The following KIAA1549L variants were observed in gnomAD, a reference collection of about 807,000 sequenced individuals.
The protein encoded by KIAA1549L is KIAA1549 like.
In KIAA1549L, 88 loss-of-function variants were observed where a neutral mutation model predicts 160.7. The observed-to-expected ratio is 0.55, with a 90% CI of 0.46 to 0.65. KIAA1549L has a LOEUF of 0.65. Among genes scored for constraint, KIAA1549L ranks in the 30% least tolerant of loss-of-function variants. The probability of loss-of-function intolerance (pLI) is 0.00; values close to 1 mark genes in which losing one functional copy is unlikely to be tolerated. For synonymous variants in KIAA1549L, 950 were observed against 976.7 expected (o/e 0.97, Z 0.51); for missense variants, 2,258 against 2,437.5 (o/e 0.93, Z 1.55).
Position 33,671,663 on chromosome 11 carries a change from A to ACTAATAGAGAT in KIAA1549L, c.*3510_*3520dup, listed in dbSNP as rs2133476729. ...TAGAATGGAGGAGGTGAGGAATTTA[A>ACTAATAGAGAT]CTAATAGAGATGCTTTTTCTAACAG... On this transcript the variant is annotated 3_prime_UTR_variant, in exon 21 of 21. Transcript: ENST00000658780. The ACTAATAGAGAT allele has an allele frequency of 6.6e-6, 1 of 151,864 alleles. No individual in the cohort carries two copies. Among genetic ancestry groups the ACTAATAGAGAT allele is most frequent in the East Asian group, 1.9e-4 (1 of 5,174 alleles). 9.4% of individuals were successfully genotyped at this position (151,864 alleles called of 1,614,324 possible). A position where few individuals can be genotyped will look rare whatever the true frequency, so the allele number is the denominator to read the frequency against.
At chr11:33,398,428 T>G (rs981614086) in intron 1 of KIAA1549L, among the ~76,000 whole-genome samples, 1 of 152,178 alleles carries the variant, frequency 6.6e-6, no homozygotes, top group Non-Finnish European at 1.5e-5. Flanking sequence ...CATCTGGGCA[T>G]GTGATCAGTG....
At chr11:33,504,513 G>T (rs1853033773) in intron 1 of KIAA1549L, among the ~76,000 whole-genome samples, 1 of 151,594 alleles carries the variant, frequency 6.6e-6, no homozygotes, top group Non-Finnish European at 1.5e-5. Context: ...TGTTGCCCAG[G>T]CTGGAGCGTA....
intron 12 of KIAA1549L, among the ~76,000 whole-genome samples, chr11:33,596,013 T>C (rs1850189503): frequency 6.6e-6 from 1 of 152,150 alleles, no homozygotes; most frequent in Non-Finnish European, 1.5e-5. Context: ...AATCAACCGT[T>C]TACAGCTGTT....
chr11:33,567,023 G>C (rs1855071099), intron 8 of KIAA1549L, among the ~76,000 whole-genome samples: 1 of 152,200 alleles, frequency 6.6e-6, no homozygotes, highest in African/African-American at 2.4e-5. Flanking sequence ...ACAAGGACTG[G>C]ACTTTGAGGG....
intron 1 of KIAA1549L, among the ~76,000 whole-genome samples, chr11:33,424,005 G>C (rs1851069424): frequency 1.3e-5 from 2 of 151,714 alleles, no homozygotes; most frequent in South Asian, 4.1e-4. Flanking sequence ...TTCCAGCCTT[G>C]GTGACAGAAT....
intron 1 of KIAA1549L, among the ~76,000 whole-genome samples, chr11:33,401,158 G>T (rs1850490938): frequency 6.6e-6 from 1 of 151,008 alleles, no homozygotes; most frequent in African/African-American, 2.4e-5. Context: ...AAAGGGTGAA[G>T]GTGTGAGTAA....
At chr11:33,657,391 C>T (rs981911242) in intron 18 of KIAA1549L, among the ~76,000 whole-genome samples, 13 of 152,020 alleles carry the variant, frequency 8.6e-5, no homozygotes, top group African/African-American at 1.9e-4. Context: ...TGCCACATAT[C>T]GGGGGTGGGG....
rs1033760 is a variant in KIAA1549L at position 33,481,648 on chromosome 11, C to T, written c.239-60154C>T. Among the ~76,000 whole-genome samples the T allele has an allele frequency of 6.9e-3, 1,054 of 152,310 alleles. 18 individuals are homozygous for T. The highest frequency in any genetic ancestry group is 0.024 in the African/African-American group (1,016 of 41,554). ...GATGCTTGCTTTTAATACAGCTCCA[C>T]GTACGTTCAATAACTGCAGCTTTAT... On this transcript the variant is annotated intron_variant, in intron 1 of 20. Transcript: ENST00000658780.
chr11:33,516,647 C>T (rs963327220), intron 1 of KIAA1549L, among the ~76,000 whole-genome samples: 9 of 152,152 alleles, frequency 5.9e-5, no homozygotes, highest in African/African-American at 2.2e-4. Context: ...AAATAAATTC[C>T]CTCCTCTGCC....
chr11:33,583,941 G>A (rs549663618), intron 11 of KIAA1549L, among the ~76,000 whole-genome samples: 1 of 152,312 alleles, frequency 6.6e-6, no homozygotes, highest in East Asian at 1.9e-4. Flanking sequence ...TGTTCTGAAC[G>A]TTGTGGTCCA....
chr11:33,523,954 T>C (rs1192111457), intron 1 of KIAA1549L, among the ~76,000 whole-genome samples: 1 of 152,186 alleles, frequency 6.6e-6, no homozygotes, highest in African/African-American at 2.4e-5. Flanking sequence ...ATTTATTTAG[T>C]AAATCTTGAT....
rs551769459 is a variant in KIAA1549L at position 33,520,134 on chromosome 11, G to A, written c.239-21668G>A. Among the ~76,000 whole-genome samples, 24 of 151,016 alleles carry A rather than the reference G, an allele frequency of 1.6e-4. No individual in the cohort carries two copies. In the South Asian group the frequency reaches 4.4e-3, roughly 28 times the overall value. Reference sequence around the variant, plus strand: ...TTCTCCCTTCCTTTTTTTTCCTTTTGTGGTAAGAGCACATAACATAAAGAT... The same window carrying A: ...TTCTCCCTTCCTTTTTTTTCCTTTTATGGTAAGAGCACATAACATAAAGAT... On this transcript the variant is annotated intron_variant, in intron 1 of 20. Coordinates refer to ENST00000658780, the MANE Select transcript of KIAA1549L (RefSeq NM_012194.3).
intron 1 of KIAA1549L, among the ~76,000 whole-genome samples, chr11:33,397,767 CA>C (rs1247650701): frequency 8.0e-5 from 12 of 149,606 alleles, no homozygotes; most frequent in South Asian, 4.2e-4. Flanking sequence ...AAAGTGAAAA[CA>C]TTTTTTTCTA....
chr11:33,391,098 T>C (rs1241006803), intron 1 of KIAA1549L, among the ~76,000 whole-genome samples: 2 of 152,226 alleles, frequency 1.3e-5, no homozygotes, highest in African/African-American at 4.8e-5. Flanking sequence ...TGCTGCGTGG[T>C]CTAAAACAGC....
rs189845235 is a variant in KIAA1549L, at chr11:33,485,233, C to T, written c.239-56569C>T. ...AAGCATCTTGTCAACTTGCCCCTTT[C>T]GAGTCCCAAAATTTTCAAGAATCTG... On this transcript the variant is annotated intron_variant, in intron 1 of 20. Coordinates refer to ENST00000658780, the MANE Select transcript of KIAA1549L (RefSeq NM_012194.3). Among the ~76,000 whole-genome samples the T allele has an allele frequency of 1.8e-4, 27 of 152,302 alleles. No individual in the cohort carries two copies. The East Asian group carries it at 3.9e-3, about 22-fold the overall frequency.
At chr11:33,582,795 G>A (rs1200033603) in intron 10 of KIAA1549L, among the ~76,000 whole-genome samples, 1 of 152,138 alleles carries the variant, frequency 6.6e-6, no homozygotes, top group Non-Finnish European at 1.5e-5. Context: ...TGAGTCTTTT[G>A]ACTAGACCGA....
Position 33,454,836 on chromosome 11 carries a change from T to C in KIAA1549L, c.238+77947T>C, listed in dbSNP as rs145339054. 5.9e-5 allele frequency among the ~76,000 whole-genome samples: 9 copies of C among 152,328 alleles called. No individual in the cohort carries two copies. The East Asian group carries it at 1.7e-3, about 29-fold the overall frequency. On this transcript the variant is annotated intron_variant, in intron 1 of 20. Coordinates refer to ENST00000658780, the MANE Select transcript of KIAA1549L (RefSeq NM_012194.3). ...TGGGCGCGGTGGCTCACGCCTGTAA[T>C]CTCAGCACTTTGGGAGGCCGAGGCG... is the stretch of plus-strand genomic sequence containing the variant.
Position 33,673,380 on chromosome 11 carries a change from C to T in KIAA1549L, c.*5226C>T, listed in dbSNP as rs988578607. ...ATTACTGTGGCCCCATCTTATTTCT[C>T]CTCATTTCTTCCTTATGTTTAAACA... On this transcript the variant is annotated 3_prime_UTR_variant, in exon 21 of 21. Coordinates refer to ENST00000658780, the MANE Select transcript of KIAA1549L (RefSeq NM_012194.3). 2.0e-4 allele frequency: 31 copies of T among 152,078 alleles called. No homozygotes were observed. Among genetic ancestry groups the T allele is most frequent in the African/African-American group, 7.2e-4 (30 of 41,412 alleles). 9.4% of individuals were successfully genotyped at this position (152,078 alleles called of 1,614,324 possible). A position where few individuals can be genotyped will look rare whatever the true frequency, so the allele number is the denominator to read the frequency against.
intron 8 of KIAA1549L, among the ~76,000 whole-genome samples, chr11:33,564,822 A>G (rs1294891529): frequency 1.3e-5 from 2 of 152,232 alleles, no homozygotes; most frequent in African/African-American, 2.4e-5. Flanking sequence ...GAGCATTAAG[A>G]TTCTTTTAGT....
Sources: allele counts gnomAD v4.1 joint callset (sites outside exome capture counted in the v4.1 genomes callset), GRCh38; gene constraint gnomAD v4.1.1; transcripts MANE v1.5; gene names NCBI Gene and HGNC (gene_info 2026-07-23, HGNC 2026-07-21).